SYNPO2: variants seen among roughly 807,000 people sequenced by gnomAD.
SYNPO2 encodes synaptopodin-2.
Under a neutral mutation model 85.0 loss-of-function variants are expected in SYNPO2, and 56 were observed. The ratio of observed to expected loss-of-function variants is 0.66; its 90% CI spans 0.53 to 0.82. The LOEUF (loss-of-function observed/expected upper bound fraction) is 0.82, where lower values mean the gene tolerates loss of function less well. Among genes scored for constraint, SYNPO2 ranks in the 40% least tolerant of loss-of-function variants. The pLI, the probability that SYNPO2 is intolerant of heterozygous loss-of-function variation, is 0.00. For missense variants in SYNPO2, 1,575 were observed against 1,534.2 expected, an observed-to-expected ratio of 1.03 and a Z score of -0.44; for synonymous variants, 602 against 591.1, an observed-to-expected ratio of 1.02 and a Z score of -0.27.
intron 1 of SYNPO2, among the ~76,000 whole-genome samples, chr4:118,972,062 T>C (rs1560927834): frequency 6.6e-6 from 1 of 152,218 alleles, no homozygotes; most frequent in Non-Finnish European, 1.5e-5. Context: ...AGAAATTCTA[T>C]GTAGGAGTTA....
intron 4 of SYNPO2, chr4:119,037,376 C>G (rs1738559874): frequency 8.2e-7 from 1 of 1,225,090 alleles, no homozygotes; most frequent in Non-Finnish European, 1.0e-6. Context: ...GTACTTGGCC[C>G]TGAGTTGAAA....
chr4:118,999,405 G>C (rs1736739913), intron 1 of SYNPO2, among the ~76,000 whole-genome samples: 1 of 152,088 alleles, frequency 6.6e-6, no homozygotes, highest in African/African-American at 2.4e-5. Context: ...TCCTGCTTCA[G>C]CCTCCCAAAG....
At position 119,031,489 on chromosome 4, in the gene SYNPO2, C is replaced by A; in HGVS notation, c.2714C>A (p.Pro905Gln). 6.2e-7 allele frequency: 1 copy of A among 1,614,118 alleles called. No individual in the cohort carries two copies. Among genetic ancestry groups the A allele is most frequent in the Non-Finnish European group, 8.5e-7 (1 of 1,180,020 alleles). ...AHAARAQSPT[P>Q]SLPASWKYSS... ...GCTGCTCGAGCTCAGTCTCCCACTCCATCTCTCCCGGCCAGTTGGAAGTAC... is the reference window on the plus strand; with the variant it reads ...GCTGCTCGAGCTCAGTCTCCCACTCAATCTCTCCCGGCCAGTTGGAAGTAC... The change falls in exon 4 of 5, where the codon CCA (proline) becomes CAA (glutamine). Residue 905 changes from proline to glutamine, a missense_variant. This residue lies in a region of SYNPO2 where 1,508 missense variants were observed against 1,446.8 expected (regional missense o/e 1.04). Transcript: ENST00000307142.
intron 1 of SYNPO2, among the ~76,000 whole-genome samples, chr4:118,966,051 T>C (rs1220798204): frequency 6.6e-6 from 1 of 152,026 alleles, no homozygotes; most frequent in Non-Finnish European, 1.5e-5. Context: ...TGAGACCCTG[T>C]CTAAATAAAT....
chr4:118,862,316 T>G (rs1012978236), intron 1 of SYNPO2, among the ~76,000 whole-genome samples: 2 of 152,218 alleles, frequency 1.3e-5, no homozygotes, highest in African/African-American at 4.8e-5. Context: ...ATGGATGCTC[T>G]TTATTTCTCT....
intron 1 of SYNPO2, among the ~76,000 whole-genome samples, chr4:118,931,351 A>G (rs1430288151): frequency 1.3e-5 from 2 of 152,176 alleles, no homozygotes; most frequent in Admixed American, 1.3e-4. Flanking sequence ...TATTTAAACT[A>G]TTATACTACT....
At chr4:118,921,346 G>A (rs1005627673) in intron 1 of SYNPO2, among the ~76,000 whole-genome samples, 2 of 152,122 alleles carry the variant, frequency 1.3e-5, no homozygotes, top group East Asian at 3.9e-4. Context: ...TTATATTCAT[G>A]ATACCATCAT....
chr4:118,911,870 T>C (rs1259214224), intron 1 of SYNPO2, among the ~76,000 whole-genome samples: 1 of 152,140 alleles, frequency 6.6e-6, no homozygotes, highest in Non-Finnish European at 1.5e-5. Context: ...CATAGACTTA[T>C]ACAGTAAAGA....
At chr4:118,854,169 AAAC>A (rs1383529503) in intron 1 of SYNPO2, among the ~76,000 whole-genome samples, 3 of 152,198 alleles carry the variant, frequency 2.0e-5, no homozygotes, top group African/African-American at 7.2e-5. Flanking sequence ...ATTACACAAA[AAAC>A]AAAGAATCTG....
intron 1 of SYNPO2, among the ~76,000 whole-genome samples, chr4:118,953,360 T>C (rs1734761055): frequency 6.6e-6 from 1 of 152,208 alleles, no homozygotes. Flanking sequence ...GTAAATTCTT[T>C]GTTGAAGTTT....
At chr4:119,012,842 C>A (rs6812103) in intron 1 of SYNPO2, among the ~76,000 whole-genome samples, 32,208 of 151,986 alleles carry the variant, frequency 0.21, 3,670 homozygotes, top group East Asian at 0.34. Flanking sequence ...CTGTAAATGG[C>A]AGCACATTGT....
intron 1 of SYNPO2, among the ~76,000 whole-genome samples, chr4:118,993,188 G>A (rs548330876): frequency 1.3e-5 from 2 of 150,648 alleles, no homozygotes; most frequent in South Asian, 2.1e-4. Context: ...ATTAAAGAAG[G>A]AAGAGAGAGA....
intron 1 of SYNPO2, among the ~76,000 whole-genome samples, chr4:118,979,007 CTT>C (rs1735901264): frequency 1.3e-5 from 2 of 152,168 alleles, no homozygotes; most frequent in Non-Finnish European, 2.9e-5. Context: ...TAGTTGAAAT[CTT>C]TATTGTTTAA....
intron 1 of SYNPO2, among the ~76,000 whole-genome samples, chr4:118,916,729 CTTTTTTTTTTT>C: frequency 1.7e-5 from 2 of 117,024 alleles, no homozygotes; most frequent in Admixed American, 2.1e-4. Flanking sequence ...ATTTTTCTTT[CTTTTTTTTTTT>C]TTTTTTTCTA....
At chr4:119,050,105 G>A (rs1738989735) in intron 4 of SYNPO2, among the ~76,000 whole-genome samples, 2 of 152,084 alleles carry the variant, frequency 1.3e-5, no homozygotes, top group Non-Finnish European at 1.5e-5. Context: ...GTTGAGGCAG[G>A]CAGATCACCT....
At chr4:119,010,683 G>A (rs988602273) in intron 1 of SYNPO2, among the ~76,000 whole-genome samples, 1 of 152,168 alleles carries the variant, frequency 6.6e-6, no homozygotes, top group Non-Finnish European at 1.5e-5. Flanking sequence ...AAATTATCAT[G>A]TTGGGTTGTA....
At chr4:118,950,689 C>T (rs1734666461) in intron 1 of SYNPO2, among the ~76,000 whole-genome samples, 1 of 152,194 alleles carries the variant, frequency 6.6e-6, no homozygotes, top group African/African-American at 2.4e-5. Context: ...AATGTGCTCA[C>T]AGGCAAGTGG....
intron 4 of SYNPO2, among the ~76,000 whole-genome samples, chr4:119,050,453 C>A (rs913015126): frequency 6.6e-6 from 1 of 152,152 alleles, no homozygotes; most frequent in African/African-American, 2.4e-5. Context: ...CACTTACTAG[C>A]TTTCTACCCT....
intron 1 of SYNPO2, among the ~76,000 whole-genome samples, chr4:118,906,608 C>T (rs979576491): frequency 2.0e-5 from 3 of 152,004 alleles, no homozygotes; most frequent in African/African-American, 4.8e-5. Flanking sequence ...GAAGTGTTTT[C>T]TGGAAAGGAT....
Sources: allele counts gnomAD v4.1 joint callset (sites outside exome capture counted in the v4.1 genomes callset), GRCh38; gene constraint gnomAD v4.1.1; regional missense constraint gnomAD v4.1.1; transcripts MANE v1.5; gene names NCBI Gene and HGNC (gene_info 2026-07-23, HGNC 2026-07-21).